ACSL1: variants seen among roughly 807,000 people sequenced by gnomAD.
ACSL1 encodes acyl-CoA synthetase long chain family member 1, also known as long-chain-fatty-acid--CoA ligase 1.
Under a neutral mutation model 98.4 loss-of-function variants are expected in ACSL1, and 41 were observed. The observed-to-expected ratio is 0.42, with a 90% CI of 0.32 to 0.54. ACSL1 has a LOEUF of 0.54. Ranked by LOEUF, ACSL1 falls within the 20% of genes least tolerant of loss-of-function variation. ACSL1 has a pLI of 0.13. For missense variants in ACSL1, 734 were observed against 883.1 expected (o/e 0.83, Z 2.14); for synonymous variants, 316 against 322.7 (o/e 0.98, Z 0.22).
At chr4:184,782,256 T>C (rs1056405598) in intron 4 of ACSL1, among the ~76,000 whole-genome samples, 4 of 102,894 alleles carry the variant, frequency 3.9e-5, no homozygotes, top group African/African-American at 1.3e-4. Flanking sequence ...AGATCGGTCA[T>C]ACATTCTTAA....
chr4:184,813,888 G>A (rs1397294736), intron 1 of ACSL1: 8 of 455,986 alleles, frequency 1.8e-5, no homozygotes, highest in South Asian at 4.6e-5. Flanking sequence ...CCACTTGTTT[G>A]AGAAACTGCA....
intron 1 of ACSL1, chr4:184,808,361 TAA>T: frequency 7.1e-6 from 7 of 985,470 alleles, no homozygotes; most frequent in Non-Finnish European, 8.4e-6. Flanking sequence ...TCTCTCCTTC[TAA>T]AGTTCCTCAA....
chr4:184,809,422 TTTCTGTA>T (rs1449926187), intron 1 of ACSL1, among the ~76,000 whole-genome samples: 1 of 152,236 alleles, frequency 6.6e-6, no homozygotes, highest in Non-Finnish European at 1.5e-5. Flanking sequence ...CTTATAGCAG[TTTCTGTA>T]TTCATTAAAC....
At chr4:184,772,722 A>G (rs1160339413) in intron 10 of ACSL1, among the ~76,000 whole-genome samples, 2 of 152,266 alleles carry the variant, frequency 1.3e-5, no homozygotes, top group African/African-American at 2.4e-5. Context: ...CCAATTTAAA[A>G]TAAATTATTT....
At chr4:184,815,617 G>A (rs930865220) in intron 1 of ACSL1, among the ~76,000 whole-genome samples, 1 of 152,068 alleles carries the variant, frequency 6.6e-6, no homozygotes, top group African/African-American at 2.4e-5. Flanking sequence ...AAGGGCAAAG[G>A]TTGGGTAGAG....
intron 14 of ACSL1, 82 bp from the exon 15 acceptor site, chr4:184,765,007 T>C: frequency 7.3e-7 from 1 of 1,373,964 alleles, no homozygotes; most frequent in Non-Finnish European, 1.0e-6. Flanking sequence ...GAAGTCTCAC[T>C]AACTCCCAAG....
At chr4:184,801,381 T>C (rs910495284) in intron 2 of ACSL1, among the ~76,000 whole-genome samples, 2 of 152,008 alleles carry the variant, frequency 1.3e-5, no homozygotes, top group African/African-American at 4.8e-5. Context: ...AGAATGAGGG[T>C]GGGAACTGGC....
At position 184,803,450 on chromosome 4, in the gene ACSL1, A is replaced by T; in HGVS notation, c.65T>A (p.Val22Glu). 1 of 1,613,532 alleles carries T rather than the reference A, an allele frequency of 6.2e-7. No individual in the cohort carries two copies. Among genetic ancestry groups the T allele is most frequent in the Non-Finnish European group, 8.5e-7 (1 of 1,179,736 alleles). Residue 22 changes from valine (V) to glutamate (E), a missense_variant, in exon 2 of 21, where the codon GTG becomes GAG. By Grantham distance (121) the Val-to-Glu change is moderately radical. Transcript: ENST00000281455. The surrounding 1 kb of genome is among the most constrained non-coding windows in gnomAD (Gnocchi z 4.8). The part of the protein sequence containing the change: ...MPELVDFRQY[V>E]RTLPTNTLMG... Reference sequence around the variant, plus strand: ...AAGCGTGTTGGTCGGAAGAGTACGCACGTACTGTCGGAAGTCAACCAGCTC... The same window carrying T: ...AAGCGTGTTGGTCGGAAGAGTACGCTCGTACTGTCGGAAGTCAACCAGCTC...
At chr4:184,788,282 T>C (rs1318607399) in intron 3 of ACSL1, 1 of 393,486 alleles carries the variant, frequency 2.5e-6, no homozygotes, top group Non-Finnish European at 4.9e-6. Context: ...CATGGTCAAG[T>C]AAGCATGAAA....
intron 1 of ACSL1, chr4:184,820,965 C>A (rs2150503181): frequency 4.4e-6 from 2 of 453,090 alleles, no homozygotes; most frequent in East Asian, 1.4e-4. Context: ...GAGCACAGAC[C>A]CTGAAGCCAG....
chr4:184,796,243 G>A (rs114125108), intron 2 of ACSL1, among the ~76,000 whole-genome samples: 3,995 of 152,294 alleles, frequency 0.026, 80 homozygotes, highest in Middle Eastern at 0.048. Flanking sequence ...GTCCTTCAGC[G>A]TTGGGACTCG....
intron 1 of ACSL1, among the ~76,000 whole-genome samples, chr4:184,824,185 G>T (rs1333895551): frequency 6.6e-6 from 1 of 152,216 alleles, no homozygotes; most frequent in East Asian, 1.9e-4. Flanking sequence ...GAGTGCAGTG[G>T]CGGGATCTCA....
intron 2 of ACSL1, among the ~76,000 whole-genome samples, chr4:184,797,631 G>C (rs989637633): frequency 6.6e-6 from 1 of 152,190 alleles, no homozygotes; most frequent in Non-Finnish European, 1.5e-5. Context: ...GTTGCCTTTA[G>C]TTTGCTTCTT....
intron 1 of ACSL1, chr4:184,813,979 T>C: frequency 2.3e-6 from 1 of 435,816 alleles, no homozygotes; most frequent in Admixed American, 2.4e-5. Context: ...CCGTGGTGAC[T>C]ATGGAAATAA....
intron 1 of ACSL1, chr4:184,808,456 C>A: frequency 1.0e-6 from 1 of 985,452 alleles, no homozygotes; most frequent in Non-Finnish European, 1.2e-6. Flanking sequence ...ATAAATGACA[C>A]CCTTGCCCCT....
In ACSL1 at chr4:184,825,246, C is replaced by T; in HGVS notation, c.-33+670G>A. ...TACCGCCACTCTCCGTCTACGCTGC[C>T]AGGTGACAGACATCATCTTTGCTTC... On this transcript the variant is annotated intron_variant, in intron 1 of 20. Transcript: ENST00000281455. This position sits in a 1 kb window ranked among gnomAD's most constrained non-coding sequence, Gnocchi z 4.7. 1.0e-6 allele frequency: 1 copy of T among 985,416 alleles called. No individual in the cohort carries two copies. The highest frequency in any genetic ancestry group is 1.2e-6 in the Non-Finnish European group (1 of 829,910). 61.0% of individuals were successfully genotyped at this position (985,416 alleles called of 1,614,324 possible).
chr4:184,785,905 T>C (rs2150367598), intron 3 of ACSL1, among the ~76,000 whole-genome samples: 1 of 152,318 alleles, frequency 6.6e-6, no homozygotes, highest in East Asian at 1.9e-4. Context: ...CTCACATCTA[T>C]GTGGTTTTTC....
chr4:184,761,879 C>A (rs968853536), intron 17 of ACSL1, among the ~76,000 whole-genome samples: 3 of 152,202 alleles, frequency 2.0e-5, no homozygotes, highest in Admixed American at 6.5e-5. Flanking sequence ...GTAATCCCAG[C>A]ACTTTGGGAG....
rs1234825134 is a variant in ACSL1 at position 184,763,169 on chromosome 4, C to A, written c.1519G>T (p.Glu507Ter). Residue 507 changes from glutamate (E) to a stop codon, truncating the protein, a stop_gained and splice_region_variant, in exon 16 of 21, where the codon GAG becomes TAG. Coordinates refer to ENST00000281455, the MANE Select transcript of ACSL1 (RefSeq NM_001995.5). LOFTEE classifies it high-confidence loss of function. ...MNYMAAEGEGEVCVKGPNVFQ... is the reference protein window; with the variant it reads ...MNYMAAEGEG ...AATGACTGACGGTTTTCACTCACCT[C>A]GCCCTCGCCCTCGGCAGCCATGTAA... The A allele has an allele frequency of 6.2e-7, 1 of 1,613,148 alleles. No homozygotes were observed. The highest frequency in any genetic ancestry group is 2.2e-5 in the East Asian group (1 of 44,870).
Sources: gnomAD v4.1 joint callset for allele counts (sites outside exome capture counted in the v4.1 genomes callset) on GRCh38, gnomAD v4.1.1 for gene constraint, Gnocchi (gnomAD v3.1) non-coding constraint, MANE v1.5 for transcripts, NCBI Gene and HGNC (gene_info 2026-07-23, HGNC 2026-07-21) for gene names.